Variants in ATP13A3 observed in about 807,000 individuals in gnomAD.
ATP13A3 encodes ATPase 13A3, also known as polyamine-transporting ATPase 13A3.
In ATP13A3, 59 loss-of-function variants were observed where a neutral mutation model predicts 158.1. The observed-to-expected ratio is 0.37, with a 90% CI of 0.30 to 0.46. ATP13A3 has a LOEUF of 0.46. ATP13A3 is among the 20% of genes least tolerant of loss of function. The pLI is 1.00. For missense variants in ATP13A3, 1,166 were observed against 1,525.2 expected (o/e 0.76, Z 3.92); for synonymous variants, 491 against 504.3 (o/e 0.97, Z 0.35).
intron 17 of ATP13A3, 65 bp from the exon 18 acceptor site, chr3:194,437,638 A>C: frequency 1.4e-6 from 2 of 1,444,508 alleles, no homozygotes; most frequent in South Asian, 1.3e-5. Flanking sequence ...TAAAGTTAGA[A>C]AAAGTTTACT....
At chr3:194,428,967 T>C (rs1261790752) in intron 27 of ATP13A3, 50 bp from the exon 28 acceptor site, 3 of 1,282,300 alleles carry the variant, frequency 2.3e-6, no homozygotes, top group Non-Finnish European at 2.2e-6. Flanking sequence ...ATTATTTTTA[T>C]AGCGTCCCCA....
At chr3:194,437,620 T>A (rs766808039) in intron 17 of ATP13A3, 47 bp from the exon 18 acceptor site, 2 of 1,524,038 alleles carry the variant, frequency 1.3e-6, no homozygotes, top group Admixed American at 2.0e-5. Flanking sequence ...TTAACTCTAT[T>A]AACACACTAA....
intron 2 of ATP13A3, among the ~76,000 whole-genome samples, chr3:194,484,557 C>T (rs1720891147): frequency 6.8e-6 from 1 of 146,024 alleles, no homozygotes; most frequent in Non-Finnish European, 1.5e-5. Flanking sequence ...ATGGGGACGC[C>T]CTATGGAACT....
At chr3:194,422,235 A>G (rs940053623) in intron 30 of ATP13A3, among the ~76,000 whole-genome samples, 1 of 152,232 alleles carries the variant, frequency 6.6e-6, no homozygotes, top group Non-Finnish European at 1.5e-5. Context: ...AAGGATTTCA[A>G]CCAAGAATAG....
chr3:194,414,020 C>T (rs181957076), intron 31 of ATP13A3, among the ~76,000 whole-genome samples, 181 bp from the exon 32 acceptor site: 341 of 152,182 alleles, frequency 2.2e-3, no homozygotes, highest in Non-Finnish European at 3.2e-3. Context: ...GATGATAAAA[C>T]TCAAAGTTTA....
At position 194,460,846 on chromosome 3, in the gene ATP13A3, C is replaced by A. The variant is rs113810105; in HGVS notation, c.52-15G>T. 6.2e-7 allele frequency: 1 copy of A among 1,600,738 alleles called. No homozygotes were observed. Among genetic ancestry groups the A allele is most frequent in the Non-Finnish European group, 8.5e-7 (1 of 1,173,178 alleles). ...CCATAAATCTCCTGCATGGACACAG[C>A]GATCACATGATTAATTATCAAATGA... On this transcript the variant is annotated splice_polypyrimidine_tract_variant and intron_variant, in intron 3 of 33. Coordinates refer to ENST00000645319, the MANE Select transcript of ATP13A3 (RefSeq NM_001367549.1).
chr3:194,448,154 T>G lies in ATP13A3; in HGVS notation c.1151-145A>C. On this transcript the variant is annotated intron_variant, in intron 12 of 33. Transcript: ENST00000645319. This position sits in a 1 kb window ranked among gnomAD's most constrained non-coding sequence, Gnocchi z 4.0. ...GTACAGTGGTGTGATCTCGACTCAC[T>G]GCAAGCTCCGCCTCCTGGGTTCACG... 1.2e-6 allele frequency: 1 copy of G among 837,024 alleles called. No homozygotes were observed. Among genetic ancestry groups the G allele is most frequent in the South Asian group, 1.8e-5 (1 of 56,712 alleles). 51.8% of individuals were successfully genotyped at this position (837,024 alleles called of 1,614,324 possible). A position where few individuals can be genotyped will look rare whatever the true frequency, so the allele number is the denominator to read the frequency against.
chr3:194,447,442 C>G (rs1577065477), intron 13 of ATP13A3, among the ~76,000 whole-genome samples: 2 of 152,190 alleles, frequency 1.3e-5, no homozygotes, highest in Admixed American at 1.3e-4. Context: ...ACACACCTTA[C>G]TGTACCACTC....
At chr3:194,466,045 CA>C in intron 2 of ATP13A3, among the ~76,000 whole-genome samples, 1 of 151,338 alleles carries the variant, frequency 6.6e-6, no homozygotes, top group East Asian at 1.9e-4. Context: ...GTGGAAAATA[CA>C]AAGTATTCTG....
At position 194,431,840 on chromosome 3, in the gene ATP13A3, T is replaced by C. The variant is rs1353015281; in HGVS notation, c.2298A>G (p.Leu766=). The part of the protein sequence containing the change: ...VSVARDCGMI[L]PQDKVIIAEA... ...CAGCAATAATCACTTTATCCTGAGG[T>C]AGAATCATTCCACAATCTCTGGCCA... Residue 766 remains leucine, a synonymous_variant, in exon 22 of 34, where the codon CTA becomes CTG. Transcript: ENST00000645319. 2.5e-6 allele frequency: 4 copies of C among 1,611,092 alleles called. No homozygotes were observed. The highest frequency in any genetic ancestry group is 1.3e-5 in the African/African-American group (1 of 74,718).
intron 28 of ATP13A3, among the ~76,000 whole-genome samples, chr3:194,427,629 T>A (rs1016259697): frequency 4.0e-4 from 55 of 139,200 alleles, no homozygotes; most frequent in African/African-American, 1.4e-3. Flanking sequence ...TGAAACCCCA[T>A]CTCTACAATA....
intron 32 of ATP13A3, 137 bp from the exon 33 acceptor site, chr3:194,412,425 A>G: frequency 1.6e-6 from 1 of 643,002 alleles, no homozygotes; most frequent in East Asian, 2.8e-5. Flanking sequence ...AATTTCAGTT[A>G]ATACTGCCAA....
chr3:194,476,514 C>T (rs1402161508), intron 2 of ATP13A3, among the ~76,000 whole-genome samples: 4 of 152,156 alleles, frequency 2.6e-5, no homozygotes, highest in African/African-American at 4.8e-5. Flanking sequence ...AAGTCACCTT[C>T]GAACTCTTCC....
chr3:194,453,937 A>G, intron 9 of ATP13A3, 159 bp from the exon 10 acceptor site: 1 of 653,392 alleles, frequency 1.5e-6, no homozygotes, highest in South Asian at 2.0e-5. Context: ...GTTTTAGTTC[A>G]AGACAAAACA....
rs367780103 is a variant in ATP13A3, at chr3:194,476,766, G to GT, written c.-47+9027dup. Among the ~76,000 whole-genome samples, 985 of 128,324 alleles carry GT rather than the reference G, an allele frequency of 7.7e-3. 5 individuals are homozygous for GT. The highest frequency in any genetic ancestry group is 0.025 in the East Asian group (113 of 4,550). The allele number at this position is 128,324 out of a possible 152,430, so 84.2% of individuals were successfully genotyped here. On this transcript the variant is annotated intron_variant, in intron 2 of 33. Transcript: ENST00000645319. ...AAGAGTACCTTCAAAGTAAGTTGTT[G>GT]TTTTTTTTTTTTTTCAAAACAATTA...
chr3:194,424,871 C>G (rs73889865), intron 30 of ATP13A3, among the ~76,000 whole-genome samples: 1 of 152,172 alleles, frequency 6.6e-6, no homozygotes, highest in East Asian at 1.9e-4. Context: ...ACACCAGCGT[C>G]GGAAATGAAG....
chr3:194,412,146 A>C, intron 33 of ATP13A3, 53 bp downstream of exon 33: 2 of 1,372,012 alleles, frequency 1.5e-6, no homozygotes, highest in South Asian at 2.5e-5. Flanking sequence ...AGAGTACACA[A>C]GCAGAGAGCC....
At chr3:194,452,811 T>C (rs1718903357) in intron 10 of ATP13A3, 1 of 152,192 alleles carries the variant, frequency 6.6e-6, no homozygotes, top group Admixed American at 6.5e-5. Context: ...CTACAGTAAA[T>C]GAGCTCCCCT....
chr3:194,404,269 GATTAT>G lies in ATP13A3; in HGVS notation c.*1645_*1649del, dbSNP rs1714793421. 1.5e-5 allele frequency: 5 copies of G among 341,542 alleles called. No individual in the cohort carries two copies. Among genetic ancestry groups the G allele is most frequent in the East Asian group, 1.1e-4 (1 of 9,152 alleles). The allele number at this position is 341,542 out of a possible 1,614,324, so 21.2% of individuals were successfully genotyped here. A position where few individuals can be genotyped will look rare whatever the true frequency, so the allele number is the denominator to read the frequency against. ...TATTATACATTTGATGGAAAACTTC[GATTAT>G]ATTTTTGCAGGAATCATCAGTGGCA... On this transcript the variant is annotated 3_prime_UTR_variant, in exon 34 of 34. Transcript: ENST00000645319.
Sources: allele counts gnomAD v4.1 joint callset (sites outside exome capture counted in the v4.1 genomes callset), GRCh38; gene constraint gnomAD v4.1.1; non-coding constraint Gnocchi (gnomAD v3.1); transcripts MANE v1.5; gene names NCBI Gene and HGNC (gene_info 2026-07-23, HGNC 2026-07-21).